BTG4: variants seen among roughly 807,000 people sequenced by gnomAD.
BTG4 encodes protein BTG4.
BTG4 carries 10 observed loss-of-function variants against 19.3 expected under a neutral mutation model. The observed-to-expected ratio is 0.52, with a 90% CI of 0.32 to 0.88. BTG4 has a LOEUF of 0.88. BTG4 is among the 40% of genes least tolerant of loss of function. BTG4 has a pLI of 0.04. For synonymous variants in BTG4, 91 were observed against 95.7 expected, an observed-to-expected ratio of 0.95 and a Z score of 0.29; for missense variants, 238 against 281.9, an observed-to-expected ratio of 0.84 and a Z score of 1.11.
At chr11:111,397,613 C>T in the BTG4 span, 1 of 152,184 alleles carries the variant, frequency 6.6e-6, no homozygotes, top group Non-Finnish European at 1.5e-5. Context: ...CAGGTGTCAG[C>T]CAACTGGTAG....
chr11:111,414,715 T>TGAAAGCAGCAGC, the BTG4 span: 2 of 152,208 alleles, frequency 1.3e-5, no homozygotes, highest in African/African-American at 4.8e-5. Context: ...CCGGGTCACT[T>TGAAAGCAGCAGC]GAAAGCAGCA....
chr11:111,495,350 A>G lies in BTG4; in HGVS notation c.511-36T>C, dbSNP rs148700209. 4,777 of 1,555,696 alleles carry G rather than the reference A, an allele frequency of 3.1e-3. 41 individuals are homozygous for G. The highest frequency in any genetic ancestry group is 0.021 in the South Asian group (1,817 of 88,128). On this transcript the variant is annotated intron_variant, in intron 4 of 4. Coordinates refer to ENST00000692032, the MANE Select transcript of BTG4 (RefSeq NM_001367975.1). ...AAAGTATAAAGATCTCTAATAAGCT[A>G]GCTGTAAGGACTAAATATGAACCCA... is the stretch of plus-strand genomic sequence containing the variant.
chr11:111,408,119 C>T, the BTG4 span, among the ~76,000 whole-genome samples: 2 of 152,218 alleles, frequency 1.3e-5, no homozygotes, highest in African/African-American at 4.8e-5. Flanking sequence ...CTGTCCTAAG[C>T]CTCCAAGCCC....
the BTG4 span, chr11:111,417,838 T>C: frequency 1.3e-5 from 2 of 152,222 alleles, no homozygotes; most frequent in Admixed American, 1.3e-4. Context: ...TGCAGGTTCA[T>C]GCATCTGGAC....
chr11:111,432,837 A>G, the BTG4 span, among the ~76,000 whole-genome samples: 2 of 152,166 alleles, frequency 1.3e-5, no homozygotes, highest in Non-Finnish European at 2.9e-5. Context: ...TACTATTTCT[A>G]CTTCTTAAGT....
rs1386489348 is a variant in BTG4 at position 111,469,309 on chromosome 11, G to A, written c.663-1628C>T. 3 of 152,258 alleles carry A rather than the reference G, an allele frequency of 2.0e-5. No individual in the cohort carries two copies. In the East Asian group the frequency reaches 5.8e-4, roughly 29 times the overall value. 9.4% of individuals were successfully genotyped at this position (152,258 alleles called of 1,614,324 possible). On this transcript the variant is annotated intron_variant, in intron 5 of 5. Transcript: ENST00000356018. ...CATCACTGCTGGGGAACCCCACCAG[G>A]ACTCCAGCCCTGCCTTTCTGGGGTC...
chr11:111,398,686 G>A, the BTG4 span, among the ~76,000 whole-genome samples: 1 of 152,102 alleles, frequency 6.6e-6, no homozygotes, highest in African/African-American at 2.4e-5. Context: ...TGATGGTGCT[G>A]CTGCTGGTCT....
the BTG4 span, chr11:111,455,534 G>C: frequency 0.88 from 214,908 of 245,222 alleles, 94,397 homozygotes; most frequent in South Asian, 0.96. Flanking sequence ...CTTTCTGCTC[G>C]ACGCTGAGGG....
At chr11:111,424,805 A>G in the BTG4 span, among the ~76,000 whole-genome samples, 8 of 152,176 alleles carry the variant, frequency 5.3e-5, no homozygotes, top group African/African-American at 1.7e-4. Flanking sequence ...TGAAAATACA[A>G]AAATTAGCCA....
the BTG4 span, among the ~76,000 whole-genome samples, chr11:111,442,546 C>CACATACACA: frequency 2.1e-5 from 3 of 141,678 alleles, no homozygotes; most frequent in East Asian, 4.1e-4. Flanking sequence ...ACACACACAC[C>CACATACACA]AGATGAGCCT....
chr11:111,389,168 T>C, the BTG4 span, among the ~76,000 whole-genome samples: 1 of 152,218 alleles, frequency 6.6e-6, no homozygotes, highest in African/African-American at 2.4e-5. Context: ...GGTGGAGCTA[T>C]AGGGCTGGCA....
chr11:111,401,725 G>A, the BTG4 span, among the ~76,000 whole-genome samples: 9,866 of 152,160 alleles, frequency 0.065, 464 homozygotes, highest in Middle Eastern at 0.14. Context: ...TAAATTAAAC[G>A]TCAACAAATA....
At chr11:111,431,039 C>T in the BTG4 span, among the ~76,000 whole-genome samples, 1 of 151,842 alleles carries the variant, frequency 6.6e-6, no homozygotes, top group East Asian at 1.9e-4. Flanking sequence ...CTCTTCTATG[C>T]CCCCATAGTG....
At chr11:111,478,322 T>C (rs1864519069) in intron 5 of BTG4, among the ~76,000 whole-genome samples, 1 of 152,162 alleles carries the variant, frequency 6.6e-6, no homozygotes, top group Non-Finnish European at 1.5e-5. Flanking sequence ...CCCGGACTTT[T>C]ACTTCCACTA....
chr11:111,438,632 C>G, the BTG4 span, among the ~76,000 whole-genome samples: 1 of 152,236 alleles, frequency 6.6e-6, no homozygotes, highest in Admixed American at 6.5e-5. Flanking sequence ...GCACCTAGCT[C>G]TGCACCTTGC....
upstream of BTG4, chr11:111,514,711 G>A: frequency 8.2e-7 from 1 of 1,221,488 alleles, no homozygotes; most frequent in Non-Finnish European, 1.1e-6. Flanking sequence ...CCAACTTGGC[G>A]GTTCTCGGAG....
downstream of BTG4, among the ~76,000 whole-genome samples, chr11:111,490,100 T>A (rs1789824): frequency 6.8e-6 from 1 of 148,126 alleles, no homozygotes. Context: ...GGTGAAATCC[T>A]ATCTCTACTA....
the BTG4 span, among the ~76,000 whole-genome samples, chr11:111,460,055 G>A: frequency 5.9e-5 from 9 of 152,330 alleles, no homozygotes; most frequent in South Asian, 1.9e-3. Flanking sequence ...CCACGCCAGG[G>A]CTGTGGCCAC....
the BTG4 span, chr11:111,404,478 T>C: frequency 1.0e-5 from 4 of 393,902 alleles, no homozygotes; most frequent in Non-Finnish European, 2.0e-5. Context: ...AAGCATTTTC[T>C]AGGTCCCTAG....
Sources: allele counts gnomAD v4.1 joint callset (sites outside exome capture counted in the v4.1 genomes callset), GRCh38; gene constraint gnomAD v4.1.1; transcripts MANE v1.5; gene names NCBI Gene and HGNC (gene_info 2026-07-23, HGNC 2026-07-21).